The following NRIP1 variants were observed in gnomAD, a reference collection of about 807,000 sequenced individuals.
NRIP1 encodes nuclear receptor interacting protein 1.
NRIP1 carries 28 observed loss-of-function variants against 75.0 expected under a neutral mutation model. The observed-to-expected ratio is 0.37, with a 90% CI of 0.28 to 0.51. The LOEUF is 0.51. NRIP1 is among the 20% of genes least tolerant of loss of function. NRIP1 has a pLI of 0.92. For synonymous variants in NRIP1, 526 were observed against 487.6 expected, an observed-to-expected ratio of 1.08 and a Z score of -1.04; for missense variants, 1,435 against 1,343.7, an observed-to-expected ratio of 1.07 and a Z score of -1.06.
intron 1 of NRIP1, among the ~76,000 whole-genome samples, chr21:15,055,410 T>C (rs1040005758): frequency 2.0e-5 from 3 of 152,228 alleles, no homozygotes; most frequent in African/African-American, 7.2e-5. Flanking sequence ...CATGAACATG[T>C]ACATAACTGT....
chr21:15,012,943 CAA>C (rs1277064470), intron 3 of NRIP1, among the ~76,000 whole-genome samples: 5 of 152,002 alleles, frequency 3.3e-5, no homozygotes, highest in Non-Finnish European at 7.4e-5. Context: ...AACAACAAAC[CAA>C]TTATATCTTG....
At chr21:15,003,230 G>C (rs565929699) in intron 3 of NRIP1, among the ~76,000 whole-genome samples, 1 of 152,192 alleles carries the variant, frequency 6.6e-6, no homozygotes, top group South Asian at 2.1e-4. Flanking sequence ...AGTATTGATA[G>C]TTAAGGGGCT....
At chr21:15,039,919 A>G (rs900053912) in intron 2 of NRIP1, among the ~76,000 whole-genome samples, 1 of 152,108 alleles carries the variant, frequency 6.6e-6, no homozygotes, top group Non-Finnish European at 1.5e-5. Context: ...TACTTATTCC[A>G]AAATAGAAGG....
intron 2 of NRIP1, among the ~76,000 whole-genome samples, chr21:15,025,399 C>T (rs2088492968): frequency 6.6e-6 from 1 of 152,052 alleles, no homozygotes; most frequent in South Asian, 2.1e-4. Flanking sequence ...GAAGGGGGTA[C>T]TGCTGGCAAA....
chr21:14,964,486 A>G lies in NRIP1; in HGVS notation c.*230T>C, dbSNP rs2086668340. 1 of 405,734 alleles carries G rather than the reference A, an allele frequency of 2.5e-6. No homozygotes were observed. The highest frequency in any genetic ancestry group is 4.4e-6 in the Non-Finnish European group (1 of 229,386). 25.1% of individuals were successfully genotyped at this position (405,734 alleles called of 1,614,324 possible). On this transcript the variant is annotated 3_prime_UTR_variant, in exon 4 of 4. Transcript: ENST00000318948. The stretch of plus-strand genomic sequence containing the variant: ...GCTACTCACAGTTGTTATCTGATGC[A>G]TACAGAAGTGTTAAACAACCAATTG...
rs757486500 is a variant in NRIP1 at position 15,014,565 on chromosome 21, A to G, written c.-457-99T>C. 421 of 397,658 alleles carry G rather than the reference A, an allele frequency of 1.1e-3. 1 individual carries two copies. Among genetic ancestry groups the G allele is most frequent in the Non-Finnish European group, 1.5e-3 (349 of 225,450 alleles). 24.6% of individuals were successfully genotyped at this position (397,658 alleles called of 1,614,324 possible). A position where few individuals can be genotyped will look rare whatever the true frequency, so the allele number is the denominator to read the frequency against. The stretch of plus-strand genomic sequence containing the variant: ...CTTATCCCATTACCTTTTCTTGTTC[A>G]AGTTCAATGCAAAAGTAGTCATTTG... On this transcript the variant is annotated intron_variant, in intron 2 of 3. Transcript: ENST00000318948.
At chr21:15,062,673 A>G (rs986767975) in intron 1 of NRIP1, among the ~76,000 whole-genome samples, 25 of 152,288 alleles carry the variant, frequency 1.6e-4, no homozygotes, top group Admixed American at 5.2e-4. Flanking sequence ...AGTACTTCTT[A>G]ATCATTTTCG....
intron 2 of NRIP1, among the ~76,000 whole-genome samples, chr21:15,030,955 CA>C (rs2088653501): frequency 9.7e-6 from 1 of 103,272 alleles, no homozygotes; most frequent in African/African-American, 3.4e-5. Flanking sequence ...AGAGGATCAC[CA>C]CATTCCCTTT....
At chr21:15,010,720 G>A (rs1220483969) in intron 3 of NRIP1, among the ~76,000 whole-genome samples, 1 of 152,172 alleles carries the variant, frequency 6.6e-6, no homozygotes, top group Non-Finnish European at 1.5e-5. Flanking sequence ...AGGAAGATCT[G>A]GTGGTTGTAA....
chr21:14,991,554 A>G (rs1195487597), intron 3 of NRIP1, among the ~76,000 whole-genome samples: 2 of 152,024 alleles, frequency 1.3e-5, no homozygotes, highest in Admixed American at 1.3e-4. Flanking sequence ...TTTCAGGCAG[A>G]AGCATGCATT....
Position 15,030,850 on chromosome 21 carries a change from A to T in NRIP1, c.-458+12645T>A, listed in dbSNP as rs116798992. ...ATACACTCTGGAAGGCGGTTGGAGGATCACTACCTTCCCCTTCTATGTGTG... is the reference window on the plus strand; with the variant it reads ...ATACACTCTGGAAGGCGGTTGGAGGTTCACTACCTTCCCCTTCTATGTGTG... On this transcript the variant is annotated intron_variant, in intron 2 of 3. Transcript: ENST00000318948. 6.7e-3 allele frequency among the ~76,000 whole-genome samples: 924 copies of T among 137,326 alleles called. 8 individuals are homozygous for T. Among genetic ancestry groups the T allele is most frequent in the African/African-American group, 0.027 (866 of 32,636 alleles). The allele number at this position is 137,326 out of a possible 152,430, so 90.1% of individuals were successfully genotyped here.
chr21:15,011,537 C>A (rs1450071160), intron 3 of NRIP1, among the ~76,000 whole-genome samples: 1 of 152,082 alleles, frequency 6.6e-6, no homozygotes, highest in Admixed American at 6.5e-5. Context: ...TTATGTCTGA[C>A]AGGAAAGTTT....
At chr21:15,045,786 T>A (rs2089060378) in intron 1 of NRIP1, among the ~76,000 whole-genome samples, 1 of 152,254 alleles carries the variant, frequency 6.6e-6, no homozygotes, top group Non-Finnish European at 1.5e-5. Context: ...TATGTTTACA[T>A]GATATTCTAA....
At position 14,964,805 on chromosome 21, in the gene NRIP1, C is replaced by T. The variant is rs770734648; in HGVS notation, c.3388G>A (p.Gly1130Arg). 6.2e-7 allele frequency: 1 copy of T among 1,611,968 alleles called. No homozygotes were observed. The highest frequency in any genetic ancestry group is 8.5e-7 in the Non-Finnish European group (1 of 1,179,338). Residue 1130 changes from glycine to arginine, a missense_variant, in exon 4 of 4, where the codon GGA becomes AGA. Coordinates refer to ENST00000318948, the MANE Select transcript of NRIP1 (RefSeq NM_003489.4). ...NLRSPYNSHMGNNASRPHSAN... is the reference protein window; with the variant it reads ...NLRSPYNSHMRNNASRPHSAN... Reference sequence around the variant, plus strand: ...CTGTGTGGGCGAGAAGCATTATTTCCCATATGGCTATTGTAAGGGCTTCTT... The same window carrying T: ...CTGTGTGGGCGAGAAGCATTATTTCTCATATGGCTATTGTAAGGGCTTCTT...
chr21:14,988,533 A>ATC (rs71311041), intron 3 of NRIP1, among the ~76,000 whole-genome samples: 1 of 151,412 alleles, frequency 6.6e-6, no homozygotes, highest in Non-Finnish European at 1.5e-5. Flanking sequence ...ATATATATAT[A>ATC]TCCTGAAAAA....
At chr21:15,046,142 C>A (rs888965465) in intron 1 of NRIP1, among the ~76,000 whole-genome samples, 1 of 152,158 alleles carries the variant, frequency 6.6e-6, no homozygotes, top group African/African-American at 2.4e-5. Flanking sequence ...ATGGTGAATC[C>A]TTTTCAGAAG....
chr21:14,972,114 G>A (rs1332080879), intron 3 of NRIP1, among the ~76,000 whole-genome samples: 1 of 152,126 alleles, frequency 6.6e-6, no homozygotes, highest in Non-Finnish European at 1.5e-5. Flanking sequence ...AGAAAATGAA[G>A]TGTCTATCCT....
At chr21:15,044,123 A>G (rs191142393) in intron 1 of NRIP1, among the ~76,000 whole-genome samples, 52 of 152,002 alleles carry the variant, frequency 3.4e-4, no homozygotes, top group Admixed American at 1.3e-3. Flanking sequence ...CCGGCCCACT[A>G]CTCATCTGTT....
At chr21:14,995,317 C>G (rs1324006062) in intron 3 of NRIP1, among the ~76,000 whole-genome samples, 1 of 152,144 alleles carries the variant, frequency 6.6e-6, no homozygotes, top group African/African-American at 2.4e-5. Context: ...AGAAGGAGTC[C>G]TACTGCAGAG....
Sources: allele counts gnomAD v4.1 joint callset (sites outside exome capture counted in the v4.1 genomes callset), GRCh38; gene constraint gnomAD v4.1.1; transcripts MANE v1.5; gene names NCBI Gene and HGNC (gene_info 2026-07-23, HGNC 2026-07-21).